Variants in TRHDE observed in about 807,000 individuals in gnomAD.
The protein encoded by TRHDE is thyrotropin releasing hormone degrading enzyme.
TRHDE carries 72 observed loss-of-function variants against 125.7 expected under a neutral mutation model. That is an observed-to-expected ratio of 0.57 (90% CI 0.47 to 0.70). The LOEUF (loss-of-function observed/expected upper bound fraction) is 0.70. Ranked by LOEUF, TRHDE falls within the 30% of genes least tolerant of loss-of-function variation. The pLI is 0.00. For missense variants in TRHDE, 1,110 were observed against 1,327.1 expected (o/e 0.84, Z 2.54); for synonymous variants, 509 against 509.1 (o/e 1.00, Z 0.00).
chr12:72,389,089 A>G (rs1872537521), intron 3 of TRHDE, among the ~76,000 whole-genome samples: 1 of 152,046 alleles, frequency 6.6e-6, no homozygotes, highest in Non-Finnish European at 1.5e-5. Flanking sequence ...TTATGTAGTT[A>G]TATTTAGGAA....
intron 2 of TRHDE, among the ~76,000 whole-genome samples, chr12:72,125,637 T>C (rs1277858116): frequency 6.6e-6 from 1 of 152,226 alleles, no homozygotes; most frequent in Non-Finnish European, 1.5e-5. Context: ...TTTTAAAGTA[T>C]GTAGCATTTT....
chr12:72,500,934 A>T (rs1878129675), intron 6 of TRHDE, among the ~76,000 whole-genome samples: 1 of 141,512 alleles, frequency 7.1e-6, no homozygotes, highest in South Asian at 2.2e-4. Flanking sequence ...TACAAAGATT[A>T]TACTGGAATT....
intron 2 of TRHDE, among the ~76,000 whole-genome samples, chr12:72,348,409 A>G (rs1870430981): frequency 6.6e-6 from 1 of 151,876 alleles, no homozygotes; most frequent in African/African-American, 2.4e-5. Flanking sequence ...GATCCCTGAC[A>G]GTGGCCTTGA....
At chr12:72,425,531 G>A (rs538686538) in intron 3 of TRHDE, among the ~76,000 whole-genome samples, 1 of 152,126 alleles carries the variant, frequency 6.6e-6, no homozygotes, top group South Asian at 2.1e-4. Context: ...TTTGTCTTCA[G>A]TTAAGATCCT....
chr12:72,464,258 G>GT (rs1454002620), intron 3 of TRHDE, among the ~76,000 whole-genome samples: 7 of 152,204 alleles, frequency 4.6e-5, no homozygotes, highest in Non-Finnish European at 1.0e-4. Flanking sequence ...AAGTAGTAGA[G>GT]TAAGTGTCTT....
At chr12:72,384,309 G>T (rs1238975401) in intron 3 of TRHDE, among the ~76,000 whole-genome samples, 1 of 152,064 alleles carries the variant, frequency 6.6e-6, no homozygotes, top group African/African-American at 2.4e-5. Flanking sequence ...ACAGTGCTAT[G>T]ATTGTAGAGG....
chr12:72,257,779 G>GAC (rs1471914814), intron 2 of TRHDE: 1 of 152,144 alleles, frequency 6.6e-6, no homozygotes, highest in Non-Finnish European at 1.5e-5. Flanking sequence ...TAGAGTGGCA[G>GAC]ACTGACTTTA....
chr12:72,593,234 G>T (rs1476108156), intron 12 of TRHDE, among the ~76,000 whole-genome samples: 1 of 152,146 alleles, frequency 6.6e-6, no homozygotes, highest in Non-Finnish European at 1.5e-5. Flanking sequence ...TGTAGAAATT[G>T]CACTTAGCCC....
At chr12:72,509,789 AC>A (rs555508858) in intron 6 of TRHDE, among the ~76,000 whole-genome samples, 10 of 152,332 alleles carry the variant, frequency 6.6e-5, no homozygotes, top group Admixed American at 3.9e-4. Context: ...TACCTATTAT[AC>A]TGCCTGTGTG....
chr12:72,589,162 A>G (rs1331237490), intron 12 of TRHDE, among the ~76,000 whole-genome samples: 2 of 152,184 alleles, frequency 1.3e-5, no homozygotes, highest in Non-Finnish European at 2.9e-5. Flanking sequence ...GGAGTGACAG[A>G]GGTTCACATA....
chr12:72,279,535 C>T (rs1297658558), intron 1 of TRHDE, among the ~76,000 whole-genome samples: 1 of 152,200 alleles, frequency 6.6e-6, no homozygotes, highest in Non-Finnish European at 1.5e-5. Flanking sequence ...TGCATACTTT[C>T]TCCCACAGAT....
At chr12:72,405,964 A>G (rs930994398) in intron 3 of TRHDE, among the ~76,000 whole-genome samples, 24 of 152,128 alleles carry the variant, frequency 1.6e-4, no homozygotes, top group African/African-American at 5.1e-4. Flanking sequence ...AACTCCCTCA[A>G]TATTCAAACA....
chr12:72,130,607 A>C (rs1418579087), intron 2 of TRHDE, among the ~76,000 whole-genome samples: 1 of 152,240 alleles, frequency 6.6e-6, no homozygotes, highest in Non-Finnish European at 1.5e-5. Flanking sequence ...TAGGGGCAAC[A>C]TTAATGGATT....
At chr12:72,508,916 C>CCATGTAAGATGTGCCTCA (rs1878468344) in intron 6 of TRHDE, among the ~76,000 whole-genome samples, 1 of 152,074 alleles carries the variant, frequency 6.6e-6, no homozygotes, top group Non-Finnish European at 1.5e-5. Flanking sequence ...TCTGCTCCAG[C>CCATGTAAGATGTGCCTCA]CATGTAAGAT....
intron 4 of TRHDE, among the ~76,000 whole-genome samples, chr12:72,472,666 C>G (rs543380948): frequency 6.6e-6 from 1 of 152,172 alleles, no homozygotes; most frequent in South Asian, 2.1e-4. Context: ...TTTCAGCAGA[C>G]ATTTACCCAT....
chr12:72,171,850 G>T (rs1358098722), intron 2 of TRHDE, among the ~76,000 whole-genome samples: 1 of 152,164 alleles, frequency 6.6e-6, no homozygotes, highest in Non-Finnish European at 1.5e-5. Context: ...CTGAAGACTT[G>T]CTCACCAATC....
At chr12:72,544,388 C>T (rs1178142264) in intron 7 of TRHDE, among the ~76,000 whole-genome samples, 1 of 151,552 alleles carries the variant, frequency 6.6e-6, no homozygotes, top group Admixed American at 6.6e-5. Flanking sequence ...AAGAGCTAAT[C>T]TAGGCTGTCA....
intron 10 of TRHDE, 66 bp downstream of exon 10, chr12:72,568,722 T>C: frequency 9.5e-7 from 1 of 1,056,966 alleles, no homozygotes; most frequent in South Asian, 1.5e-5. Flanking sequence ...ACTTAACCTC[T>C]GGTTTCAGCT....
intron 7 of TRHDE, among the ~76,000 whole-genome samples, chr12:72,556,107 T>C (rs1013573862): frequency 6.6e-6 from 1 of 152,228 alleles, no homozygotes; most frequent in Non-Finnish European, 1.5e-5. Context: ...CCATATCTAC[T>C]GTTCATAAGA....
Sources: gnomAD v4.1 joint callset for allele counts (sites outside exome capture counted in the v4.1 genomes callset) on GRCh38, gnomAD v4.1.1 for gene constraint, MANE v1.5 for transcripts, NCBI Gene and HGNC (gene_info 2026-07-23, HGNC 2026-07-21) for gene names.